The following RBFOX1 variants were observed in gnomAD, a reference collection of about 807,000 sequenced individuals.
The protein encoded by RBFOX1 is RNA binding fox-1 homolog 1, also known as RNA binding protein fox-1 homolog 1.
RBFOX1 carries 8 observed loss-of-function variants against 57.7 expected under a neutral mutation model. The ratio of observed to expected loss-of-function variants is 0.14; its 90% CI spans 0.08 to 0.25. The LOEUF (loss-of-function observed/expected upper bound fraction) is 0.25, where lower values mean the gene tolerates loss of function less well. Among genes scored for constraint, RBFOX1 ranks in the 10% least tolerant of loss-of-function variants. The probability of loss-of-function intolerance (pLI) is 1.00; values close to 1 mark genes in which losing one functional copy is unlikely to be tolerated. For missense variants in RBFOX1, 611 were observed against 548.5 expected (o/e 1.11, Z -1.14); for synonymous variants, 326 against 222.4 (o/e 1.47, Z -4.15).
intron 4 of RBFOX1, among the ~76,000 whole-genome samples, chr16:7,344,028 G>A (rs1415051187): frequency 6.6e-6 from 1 of 151,314 alleles, no homozygotes; most frequent in Non-Finnish European, 1.5e-5. Flanking sequence ...TCTATATAGG[G>A]AAGCCAATAC....
At chr16:7,506,722 G>C (rs1270998414) in intron 4 of RBFOX1, among the ~76,000 whole-genome samples, 1 of 152,112 alleles carries the variant, frequency 6.6e-6, no homozygotes, top group Non-Finnish European at 1.5e-5. Flanking sequence ...TAATGTACGA[G>C]ATCCATGTGT....
At chr16:6,940,022 C>T (rs546340914) in intron 3 of RBFOX1, among the ~76,000 whole-genome samples, 3 of 152,190 alleles carry the variant, frequency 2.0e-5, no homozygotes, top group African/African-American at 7.2e-5. Flanking sequence ...ACAGGTCAGC[C>T]TGGCCTACAG....
intron 3 of RBFOX1, among the ~76,000 whole-genome samples, chr16:6,940,642 G>C (rs981285453): frequency 2.0e-5 from 3 of 152,094 alleles, no homozygotes; most frequent in African/African-American, 7.2e-5. Context: ...CTGTCACCCA[G>C]GCTGGAGTGG....
At chr16:6,832,089 G>A (rs1280188176) in intron 3 of RBFOX1, among the ~76,000 whole-genome samples, 1 of 152,178 alleles carries the variant, frequency 6.6e-6, no homozygotes, top group Non-Finnish European at 1.5e-5. Context: ...AGACAAAACT[G>A]AATGCTATTT....
chr16:5,773,757 G>T (rs1289274625), intron 3 of RBFOX1, among the ~76,000 whole-genome samples: 1 of 152,168 alleles, frequency 6.6e-6, no homozygotes, highest in Non-Finnish European at 1.5e-5. Context: ...GAGTGCAGTG[G>T]TGTGATCTCG....
At chr16:6,003,673 C>G (rs1400359137) in intron 4 of RBFOX1, among the ~76,000 whole-genome samples, 1 of 152,256 alleles carries the variant, frequency 6.6e-6, no homozygotes, top group Non-Finnish European at 1.5e-5. Flanking sequence ...CAAAGCTAGC[C>G]TCTGCTATTC....
At chr16:7,447,269 C>T (rs2150084330) in intron 4 of RBFOX1, among the ~76,000 whole-genome samples, 1 of 151,702 alleles carries the variant, frequency 6.6e-6, no homozygotes, top group African/African-American at 2.4e-5. Flanking sequence ...CCCATCTCTA[C>T]TAAAAATACA....
At chr16:6,281,704 C>A (rs1021654554) in intron 1 of RBFOX1, among the ~76,000 whole-genome samples, 1 of 152,156 alleles carries the variant, frequency 6.6e-6, no homozygotes, top group East Asian at 1.9e-4. Flanking sequence ...CTATTCATAA[C>A]ATTAACAGTT....
intron 2 of RBFOX1, among the ~76,000 whole-genome samples, chr16:6,351,323 CGTGT>C (rs71406370): frequency 0.021 from 2,381 of 112,814 alleles, 86 homozygotes; most frequent in African/African-American, 0.069. Flanking sequence ...ATATATATAA[CGTGT>C]GTGTGTGTGT....
At chr16:7,457,128 C>G (rs2058686110) in intron 4 of RBFOX1, among the ~76,000 whole-genome samples, 1 of 151,980 alleles carries the variant, frequency 6.6e-6, no homozygotes, top group African/African-American at 2.4e-5. Context: ...CTCAGGAGAT[C>G]CGCCTGCCTC....
At chr16:6,582,727 G>T (rs1185883921) in intron 2 of RBFOX1, among the ~76,000 whole-genome samples, 1 of 149,522 alleles carries the variant, frequency 6.7e-6, no homozygotes, top group Admixed American at 6.7e-5. Flanking sequence ...TTCCTCTCCT[G>T]ACCGCTCCTT....
intron 4 of RBFOX1, chr16:7,304,290 TAAAAA>T: frequency 2.1e-6 from 2 of 973,342 alleles, no homozygotes; most frequent in Non-Finnish European, 1.2e-6. Flanking sequence ...CCAGCAAAAT[TAAAAA>T]AGAAAAAAAA....
intron 4 of RBFOX1, chr16:7,332,941 T>A: frequency 6.2e-7 from 1 of 1,610,648 alleles, no homozygotes; most frequent in African/African-American, 1.3e-5. Flanking sequence ...GTCTATAGAT[T>A]TCCCCCTAAC....
chr16:7,630,164 G>C (rs903062375), intron 10 of RBFOX1, among the ~76,000 whole-genome samples: 1 of 151,970 alleles, frequency 6.6e-6, no homozygotes. Flanking sequence ...CTCGGAGGTA[G>C]GTATATTTAC....
chr16:6,193,398 A>ATATATATAC (rs1567651214), intron 1 of RBFOX1, among the ~76,000 whole-genome samples: 1 of 62,860 alleles, frequency 1.6e-5, no homozygotes, highest in Non-Finnish European at 3.0e-5. Flanking sequence ...TATACTATAT[A>ATATATATAC]TATATATATA....
intron 1 of RBFOX1, among the ~76,000 whole-genome samples, chr16:6,280,140 A>G (rs1432873992): frequency 6.6e-6 from 1 of 152,028 alleles, no homozygotes; most frequent in Admixed American, 6.6e-5. Flanking sequence ...TGATGGGAAA[A>G]CTCAGAAGGA....
chr16:5,832,252 A>G (rs528815014), intron 3 of RBFOX1, among the ~76,000 whole-genome samples: 1 of 152,364 alleles, frequency 6.6e-6, no homozygotes, highest in African/African-American at 2.4e-5. Context: ...GCCTCCTGAA[A>G]CAGGAGTAAG....
At chr16:5,654,479 G>A (rs184056463) in intron 3 of RBFOX1, among the ~76,000 whole-genome samples, 1 of 152,238 alleles carries the variant, frequency 6.6e-6, no homozygotes, top group African/African-American at 2.4e-5. Flanking sequence ...GTTCTCACCT[G>A]TCCTTCTTCC....
intron 3 of RBFOX1, among the ~76,000 whole-genome samples, chr16:6,865,065 C>T (rs112535112): frequency 0.22 from 29,699 of 135,252 alleles, 3,861 homozygotes; most frequent in Admixed American, 0.38. Flanking sequence ...TGCAGTGGCG[C>T]GATCTTGGCT....
Sources: allele counts gnomAD v4.1 joint callset (sites outside exome capture counted in the v4.1 genomes callset), GRCh38; gene constraint gnomAD v4.1.1; transcripts MANE v1.5; gene names NCBI Gene and HGNC (gene_info 2026-07-23, HGNC 2026-07-21).